Variants in BCL2 observed in about 807,000 individuals in gnomAD.
The protein encoded by BCL2 is BCL2 apoptosis regulator, also known as apoptosis regulator Bcl-2.
In BCL2, 1 loss-of-function variant was observed where a neutral mutation model predicts 14.2. That is an observed-to-expected ratio of 0.07 (90% CI 0.02 to 0.33). The LOEUF (loss-of-function observed/expected upper bound fraction) is 0.33. Ranked by LOEUF, BCL2 falls within the 10% of genes least tolerant of loss-of-function variation. The pLI is 0.99. For missense variants in BCL2, 247 were observed against 305.9 expected (o/e 0.81, Z 1.44); for synonymous variants, 151 against 137.2 (o/e 1.10, Z -0.70).
At chr18:63,299,082 T>A (rs965542041) in intron 2 of BCL2, among the ~76,000 whole-genome samples, 3 of 152,206 alleles carry the variant, frequency 2.0e-5, no homozygotes, top group Non-Finnish European at 4.4e-5. Flanking sequence ...CACCTCCCAG[T>A]ACTGTTGTAA....
In BCL2 at chr18:63,192,177, G is replaced by T. The variant is rs574473863; in HGVS notation, c.586-63418C>A. ...GGAGAGGGAATGATTGGGTGTTCCA[G>T]GGGAGCCTCTCAAAGGAAGTGACAT... On this transcript the variant is annotated intron_variant, in intron 2 of 2. Coordinates refer to ENST00000333681, the MANE Select transcript of BCL2 (RefSeq NM_000633.3). Among the ~76,000 whole-genome samples, 12 of 152,314 alleles carry T rather than the reference G, an allele frequency of 7.9e-5. No homozygotes were observed. The South Asian group carries it at 2.1e-3, about 26-fold the overall frequency.
intron 2 of BCL2, among the ~76,000 whole-genome samples, chr18:63,201,661 G>T (rs1051881541): frequency 6.6e-6 from 1 of 152,156 alleles, no homozygotes; most frequent in African/African-American, 2.4e-5. Context: ...AAAAGGATGA[G>T]TTCATGTCCT....
rs1271135083 is a variant in BCL2, at chr18:63,319,037, CACT to C, written c.-286-88_-286-86del. 37 of 1,117,012 alleles carry C rather than the reference CACT, an allele frequency of 3.3e-5. 1 individual carries two copies. In the Admixed American group the frequency reaches 1.8e-3, roughly 54 times the overall value. 69.2% of individuals were successfully genotyped at this position (1,117,012 alleles called of 1,614,324 possible). ...ACACTGAGTGAAAGCAGGGCATACA[CACT>C]ACAAGTAACACGGCTAAAAAGAATG... On this transcript the variant is annotated intron_variant, in intron 1 of 2. Coordinates refer to ENST00000333681, the MANE Select transcript of BCL2 (RefSeq NM_000633.3).
chr18:63,244,008 C>A (rs1049435097), intron 2 of BCL2, among the ~76,000 whole-genome samples: 7 of 152,188 alleles, frequency 4.6e-5, no homozygotes, highest in African/African-American at 1.7e-4. Flanking sequence ...CTTTGGGAGA[C>A]CACAGCAGGT....
In BCL2 at chr18:63,319,727, C is replaced by T. The variant is rs972076932; in HGVS notation, c.-840G>A. The T allele has an allele frequency of 5.2e-5, 11 of 210,306 alleles. No homozygotes were observed. Among genetic ancestry groups the T allele is most frequent in the African/African-American group, 2.0e-4 (9 of 43,994 alleles). 13.0% of individuals were successfully genotyped at this position (210,306 alleles called of 1,614,324 possible). A position where few individuals can be genotyped will look rare whatever the true frequency, so the allele number is the denominator to read the frequency against. On this transcript the variant is annotated 5_prime_UTR_variant, in exon 1 of 3. Coordinates refer to ENST00000333681, the MANE Select transcript of BCL2 (RefSeq NM_000633.3). ...GCAGGACGCGCCTGGCCCGCCGGTG[C>T]CGAGCGCTAGAAGCCCGCGCTGTGT...
intron 2 of BCL2, among the ~76,000 whole-genome samples, chr18:63,224,517 G>A (rs1333666954): frequency 1.3e-5 from 2 of 152,144 alleles, no homozygotes; most frequent in African/African-American, 4.8e-5. Context: ...AAACTTCTGG[G>A]GAAAACTGTT....
Position 63,125,708 on chromosome 18 carries a change from T to C in BCL2, c.*2917A>G, listed in dbSNP as rs1913895231. On this transcript the variant is annotated 3_prime_UTR_variant, in exon 3 of 3. Coordinates refer to ENST00000333681, the MANE Select transcript of BCL2 (RefSeq NM_000633.3). ...AAGAAGAGGAGAAAAAAATGACTAG[T>C]TGAGGCTTTTATATACATTCATTGC... 1 of 213,850 alleles carries C rather than the reference T, an allele frequency of 4.7e-6. No individual in the cohort carries two copies. Among genetic ancestry groups the C allele is most frequent in the African/African-American group, 2.3e-5 (1 of 44,294 alleles). 13.2% of individuals were successfully genotyped at this position (213,850 alleles called of 1,614,324 possible). A position where few individuals can be genotyped will look rare whatever the true frequency, so the allele number is the denominator to read the frequency against.
chr18:63,295,410 T>G (rs962631007), intron 2 of BCL2, among the ~76,000 whole-genome samples: 2 of 152,086 alleles, frequency 1.3e-5, no homozygotes, highest in Admixed American at 6.5e-5. Flanking sequence ...CCCCAGCACA[T>G]CAGACAGCAG....
At chr18:63,173,692 A>G (rs1280244145) in intron 2 of BCL2, among the ~76,000 whole-genome samples, 2 of 152,208 alleles carry the variant, frequency 1.3e-5, no homozygotes, top group Non-Finnish European at 2.9e-5. Context: ...GAATAGATTA[A>G]TGTATGTCCA....
chr18:63,239,907 G>T (rs115461352), intron 2 of BCL2, among the ~76,000 whole-genome samples: 2 of 152,144 alleles, frequency 1.3e-5, no homozygotes, highest in East Asian at 1.9e-4. Context: ...GTTCACACTC[G>T]CATGCATTGT....
At chr18:63,218,772 C>T (rs1910295461) in intron 2 of BCL2, among the ~76,000 whole-genome samples, 2 of 13,610 alleles carry the variant, frequency 1.5e-4, no homozygotes, top group African/African-American at 5.7e-4. Context: ...CTCTACTCAT[C>T]CCCATCCTCC....
rs1033986102 is a variant in BCL2, at chr18:63,183,031, G to A, written c.586-54272C>T. ...AGCTGGGCATGCCTAGGTCACTGAC[G>A]AATCTCTGTCAATGCACAAATGAGC... On this transcript the variant is annotated intron_variant, in intron 2 of 2. Coordinates refer to ENST00000333681, the MANE Select transcript of BCL2 (RefSeq NM_000633.3). 7.2e-5 allele frequency among the ~76,000 whole-genome samples: 11 copies of A among 152,216 alleles called. No homozygotes were observed. In the East Asian group the frequency reaches 7.7e-4, roughly 11 times the overall value.
In BCL2 at chr18:63,229,346, G is replaced by C. The variant is rs183719651; in HGVS notation, c.585+88736C>G. ...AATACAGGAAAGTGGTATTTAGGTG[G>C]TGTGATTGTGTGCCTTTGCATTTAG... On this transcript the variant is annotated intron_variant, in intron 2 of 2. Transcript: ENST00000333681. Among the ~76,000 whole-genome samples the C allele has an allele frequency of 2.0e-5, 3 of 152,164 alleles. No individual in the cohort carries two copies. In the South Asian group the frequency reaches 6.2e-4, roughly 32 times the overall value.
At chr18:63,194,922 C>A (rs1909403863) in intron 2 of BCL2, among the ~76,000 whole-genome samples, 1 of 152,182 alleles carries the variant, frequency 6.6e-6, no homozygotes, top group Non-Finnish European at 1.5e-5. Context: ...GTCCTGGTAA[C>A]CTGCAAGGTC....
At chr18:63,214,109 C>G (rs1910131082) in intron 2 of BCL2, among the ~76,000 whole-genome samples, 1 of 152,102 alleles carries the variant, frequency 6.6e-6, no homozygotes, top group African/African-American at 2.4e-5. Context: ...ATGCCCAAGC[C>G]TTTTTGTGAT....
Position 63,318,633 on chromosome 18 carries a change from G to T in BCL2, c.34C>A (p.Arg12=), listed in dbSNP as rs960653284. The T allele has an allele frequency of 1.2e-6, 2 of 1,613,198 alleles. No homozygotes were observed. Among genetic ancestry groups the T allele is most frequent in the Non-Finnish European group, 1.7e-6 (2 of 1,179,634 alleles). The change falls in exon 2 of 3, where the codon CGG becomes AGG. Residue 12 remains arginine (R), a synonymous_variant. Coordinates refer to ENST00000333681, the MANE Select transcript of BCL2 (RefSeq NM_000633.3). The surrounding 1 kb of genome is among the most constrained non-coding windows in gnomAD (Gnocchi z 7.4). ...TGGATGTACTTCATCACTATCTCCC[G>T]GTTATCGTACCCTGTTCTCCCAGCG... ...AHAGRTGYDN[R]EIVMKYIHYK... is the part of the protein sequence containing the mutation.
At chr18:63,267,237 T>C (rs775580117) in intron 2 of BCL2, among the ~76,000 whole-genome samples, 8 of 152,052 alleles carry the variant, frequency 5.3e-5, no homozygotes, top group Non-Finnish European at 1.2e-4. Context: ...CGTGCTTGGG[T>C]AGGTTTTCCT....
intron 2 of BCL2, among the ~76,000 whole-genome samples, chr18:63,233,485 G>T (rs1910742071): frequency 6.6e-6 from 1 of 152,166 alleles, no homozygotes; most frequent in African/African-American, 2.4e-5. Context: ...GGGGGTGGGG[G>T]ATGGTTTCAG....
chr18:63,175,671 C>T (rs983964995), intron 2 of BCL2, among the ~76,000 whole-genome samples: 2 of 152,166 alleles, frequency 1.3e-5, no homozygotes, highest in Admixed American at 6.5e-5. Context: ...TCAGATTTCC[C>T]AACCCTTGCT....
Sources: gnomAD v4.1 joint callset for allele counts (sites outside exome capture counted in the v4.1 genomes callset) on GRCh38, gnomAD v4.1.1 for gene constraint, Gnocchi (gnomAD v3.1) non-coding constraint, MANE v1.5 for transcripts, NCBI Gene and HGNC (gene_info 2026-07-23, HGNC 2026-07-21) for gene names.